GRIK2: variants seen among roughly 807,000 people sequenced by gnomAD.
The protein encoded by GRIK2 is glutamate ionotropic receptor kainate type subunit 2, also known as glutamate receptor ionotropic, kainate 2.
A neutral mutation model predicts 100.3 loss-of-function variants in GRIK2; 32 were observed. That is an observed-to-expected ratio of 0.32 (90% CI 0.24 to 0.43). The LOEUF (loss-of-function observed/expected upper bound fraction) is 0.43. Ranked by LOEUF, GRIK2 falls within the 20% of genes least tolerant of loss-of-function variation. The pLI is 1.00. For synonymous variants in GRIK2, 417 were observed against 389.4 expected (o/e 1.07, Z -0.83); for missense variants, 843 against 1,114.9 (o/e 0.76, Z 3.47).
intron 2 of GRIK2, among the ~76,000 whole-genome samples, chr6:101,468,659 C>T (rs1463442648): frequency 2.0e-5 from 3 of 152,020 alleles, no homozygotes; most frequent in Admixed American, 6.6e-5. Context: ...GAAACGGGTA[C>T]GATATAGGTC....
chr6:101,565,289 C>T (rs2128296997), intron 2 of GRIK2, among the ~76,000 whole-genome samples: 1 of 152,046 alleles, frequency 6.6e-6, no homozygotes, highest in South Asian at 2.1e-4. Context: ...AATCTTTATC[C>T]TAGAAGCAGA....
At chr6:101,477,821 C>T (rs543183273) in intron 2 of GRIK2, among the ~76,000 whole-genome samples, 1 of 152,240 alleles carries the variant, frequency 6.6e-6, no homozygotes, top group Non-Finnish European at 1.5e-5. Context: ...ATTGATTCCC[C>T]TCTTTACTAG....
intron 4 of GRIK2, among the ~76,000 whole-genome samples, chr6:101,676,281 T>C (rs146284968): frequency 6.6e-6 from 1 of 152,298 alleles, no homozygotes; most frequent in African/African-American, 2.4e-5. Flanking sequence ...TTAAGTTATT[T>C]ATATTAACTT....
At chr6:101,774,417 T>G (rs968505513) in intron 7 of GRIK2, among the ~76,000 whole-genome samples, 1 of 152,138 alleles carries the variant, frequency 6.6e-6, no homozygotes, top group Non-Finnish European at 1.5e-5. Flanking sequence ...TCTAAATCAA[T>G]AGCGGTTCCA....
At chr6:101,768,023 T>C (rs1312730344) in intron 7 of GRIK2, among the ~76,000 whole-genome samples, 7 of 151,994 alleles carry the variant, frequency 4.6e-5, no homozygotes, top group African/African-American at 1.4e-4. Context: ...CATGCCTGGC[T>C]AATTTTTGTA....
At chr6:101,810,124 AATTG>A (rs1468645025) in intron 9 of GRIK2, among the ~76,000 whole-genome samples, 5 of 151,782 alleles carry the variant, frequency 3.3e-5, no homozygotes, top group Non-Finnish European at 5.9e-5. Context: ...ACATAATTGT[AATTG>A]ATTGATTTGA....
chr6:101,925,151 T>C (rs1023154043), intron 13 of GRIK2, among the ~76,000 whole-genome samples: 2 of 152,146 alleles, frequency 1.3e-5, no homozygotes, highest in African/African-American at 4.8e-5. Context: ...TTGTATTGCA[T>C]GATTAGTAAA....
At chr6:101,672,213 C>T (rs1412207519) in intron 4 of GRIK2, among the ~76,000 whole-genome samples, 2 of 152,182 alleles carry the variant, frequency 1.3e-5, no homozygotes, top group African/African-American at 2.4e-5. Flanking sequence ...TTGCCTGGAA[C>T]AGCAATGATC....
At chr6:101,891,320 C>T (rs980345171) in intron 12 of GRIK2, among the ~76,000 whole-genome samples, 12 of 151,656 alleles carry the variant, frequency 7.9e-5, no homozygotes, top group Non-Finnish European at 1.8e-4. Flanking sequence ...AGATTGAGAC[C>T]ATCCTGGCCA....
At chr6:101,951,575 C>A (rs1791608970) in intron 14 of GRIK2, among the ~76,000 whole-genome samples, 1 of 152,160 alleles carries the variant, frequency 6.6e-6, no homozygotes, top group African/African-American at 2.4e-5. Flanking sequence ...TGTTCCCATC[C>A]AAATCTCATC....
intron 2 of GRIK2, among the ~76,000 whole-genome samples, chr6:101,557,720 AC>A (rs1218937895): frequency 1.3e-5 from 2 of 152,164 alleles, no homozygotes; most frequent in African/African-American, 2.4e-5. Flanking sequence ...GAAAATTTCT[AC>A]TGAGATACTT....
chr6:101,611,615 T>C (rs1257259270), intron 2 of GRIK2, among the ~76,000 whole-genome samples: 1 of 151,832 alleles, frequency 6.6e-6, no homozygotes, highest in African/African-American at 2.4e-5. Context: ...GGAGCCAGTC[T>C]TTTTATTAAA....
At chr6:101,562,084 C>G (rs1028528184) in intron 2 of GRIK2, among the ~76,000 whole-genome samples, 2 of 152,034 alleles carry the variant, frequency 1.3e-5, no homozygotes, top group Non-Finnish European at 2.9e-5. Context: ...AGCTTTATGC[C>G]TGTCCTTATT....
At chr6:101,824,620 G>A (rs9498723) in intron 10 of GRIK2, among the ~76,000 whole-genome samples, 2,552 of 152,114 alleles carry the variant, frequency 0.017, 71 homozygotes, top group African/African-American at 0.058. Flanking sequence ...TTCTTTTGTT[G>A]ACTAGTAACA....
intron 14 of GRIK2, among the ~76,000 whole-genome samples, chr6:102,004,431 A>C (rs1427867554): frequency 6.6e-6 from 1 of 151,640 alleles, no homozygotes; most frequent in Non-Finnish European, 1.5e-5. Context: ...TCAAAGTACA[A>C]ATCTACTGCT....
intron 2 of GRIK2, among the ~76,000 whole-genome samples, chr6:101,472,588 C>T (rs1240098505): frequency 1.3e-5 from 2 of 151,766 alleles, no homozygotes; most frequent in Non-Finnish European, 3.0e-5. Flanking sequence ...TACATACAGC[C>T]TACATACTAT....
intron 2 of GRIK2, among the ~76,000 whole-genome samples, chr6:101,479,716 C>G (rs776796917): frequency 6.6e-5 from 10 of 152,108 alleles, no homozygotes; most frequent in Non-Finnish European, 8.8e-5. Context: ...GGGATTTGTG[C>G]ATACCATTTG....
chr6:102,008,007 T>C (rs1033984699), intron 14 of GRIK2, among the ~76,000 whole-genome samples: 1 of 151,762 alleles, frequency 6.6e-6, no homozygotes, highest in Admixed American at 6.6e-5. Context: ...TGGTAGAATA[T>C]TAAGAAAATC....
intron 11 of GRIK2, among the ~76,000 whole-genome samples, chr6:101,871,841 C>G (rs1270038932): frequency 6.6e-6 from 1 of 151,886 alleles, no homozygotes; most frequent in Non-Finnish European, 1.5e-5. Flanking sequence ...GATGAACATA[C>G]AGGTGAATGT....
Sources: gnomAD v4.1 joint callset for allele counts (sites outside exome capture counted in the v4.1 genomes callset) on GRCh38, gnomAD v4.1.1 for gene constraint, MANE v1.5 for transcripts, NCBI Gene and HGNC (gene_info 2026-07-23, HGNC 2026-07-21) for gene names.